PRMT8: variants seen among roughly 807,000 people sequenced by gnomAD.
PRMT8 encodes the protein protein arginine N-methyltransferase 8.
Under a neutral mutation model 47.1 loss-of-function variants are expected in PRMT8, and 7 were observed. The observed-to-expected ratio is 0.15, with a 90% CI of 0.08 to 0.28. The LOEUF (loss-of-function observed/expected upper bound fraction) is 0.28. PRMT8 is among the 10% of genes least tolerant of loss of function. PRMT8 has a pLI of 1.00. For synonymous variants in PRMT8, 188 were observed against 186.5 expected (o/e 1.01, Z -0.07); for missense variants, 237 against 505.4 (o/e 0.47, Z 5.09).
rs1431688980 is a variant in PRMT8, at chr12:3,552,507, G to C, written c.418-1144G>C. 3.3e-6 allele frequency: 1 copy of C among 303,318 alleles called. No individual in the cohort carries two copies. The highest frequency in any genetic ancestry group is 4.1e-5 in the Admixed American group (1 of 24,130). The allele number at this position is 303,318 out of a possible 1,614,324, so 18.8% of individuals were successfully genotyped here. Reference sequence around the variant, plus strand: ...ATGCTCCTCATCACTCAACATGGTCGCCTCTTGCAGATCAGATGATGACAT... The same window carrying C: ...ATGCTCCTCATCACTCAACATGGTCCCCTCTTGCAGATCAGATGATGACAT... On this transcript the variant is annotated intron_variant, in intron 3 of 9. Coordinates refer to ENST00000382622, the MANE Select transcript of PRMT8 (RefSeq NM_019854.5). This position sits in a 1 kb window ranked among gnomAD's most constrained non-coding sequence, Gnocchi z 4.5.
chr12:3,428,819 CCT>C (rs1207417049), intron 1 of PRMT8, among the ~76,000 whole-genome samples: 3 of 147,976 alleles, frequency 2.0e-5, no homozygotes, highest in East Asian at 2.0e-4. Context: ...TCTGTCTCTT[CCT>C]CTCTCTCTGC....
chr12:3,488,649 C>T (rs986029094), upstream of PRMT8, among the ~76,000 whole-genome samples: 1 of 152,172 alleles, frequency 6.6e-6, no homozygotes, highest in Non-Finnish European at 1.5e-5. Context: ...ATGAGCTGGG[C>T]ATTTAAGAGA....
At chr12:3,543,857 G>A (rs2137168924) in intron 2 of PRMT8, among the ~76,000 whole-genome samples, 1 of 152,310 alleles carries the variant, frequency 6.6e-6, no homozygotes, top group East Asian at 1.9e-4. Context: ...GCCACCTAGA[G>A]AGGAGGTGGT....
rs1223113770 is a variant in PRMT8, at chr12:3,508,832, G to A, written c.75+17132G>A. On this transcript the variant is annotated intron_variant, in intron 1 of 9. Coordinates refer to ENST00000382622, the MANE Select transcript of PRMT8 (RefSeq NM_019854.5). This position sits in a 1 kb window ranked among gnomAD's most constrained non-coding sequence, Gnocchi z 4.9. ...CCTCAGGTTCGCTGGGTTGCCTCCG[G>A]AGTCCTGCCCTCTTCCCAGCTCCTG... is the stretch of plus-strand genomic sequence containing the variant. Among the ~76,000 whole-genome samples, 1 of 152,200 alleles carries A rather than the reference G, an allele frequency of 6.6e-6. No homozygotes were observed. The highest frequency in any genetic ancestry group is 2.4e-5 in the African/African-American group (1 of 41,450).
chr12:3,574,499 A>G (rs1866904502), intron 6 of PRMT8, among the ~76,000 whole-genome samples: 1 of 152,260 alleles, frequency 6.6e-6, no homozygotes, highest in Non-Finnish European at 1.5e-5. Flanking sequence ...GTAAGCCCAG[A>G]AAAAAGGATT....
At position 3,415,075 on chromosome 12, in the gene PRMT8, G is replaced by T. The variant is rs113374101; in HGVS notation, c.48+33633G>T. ...GGTTTACCTGTGCTTCTGACCCACCGGCTATACATTGGGGTTTCCTCAGCC... is the reference window on the plus strand; with the variant it reads ...GGTTTACCTGTGCTTCTGACCCACCTGCTATACATTGGGGTTTCCTCAGCC... On this transcript the variant is annotated intron_variant, in intron 1 of 9. Coordinates refer to the PRMT8 transcript ENST00000452611. Among the ~76,000 whole-genome samples the T allele has an allele frequency of 4.5e-3, 680 of 152,106 alleles. 6 individuals are homozygous for T. The highest frequency in any genetic ancestry group is 0.015 in the African/African-American group (626 of 41,482).
At chr12:3,549,016 G>A (rs1270148734) in intron 2 of PRMT8, among the ~76,000 whole-genome samples, 1 of 152,134 alleles carries the variant, frequency 6.6e-6, no homozygotes, top group African/African-American at 2.4e-5. Flanking sequence ...TAACATACAT[G>A]AATCTCAAAA....
At chr12:3,541,191 C>T (rs1012402525) in intron 2 of PRMT8, among the ~76,000 whole-genome samples, 5 of 152,230 alleles carry the variant, frequency 3.3e-5, no homozygotes, top group African/African-American at 1.2e-4. Context: ...TTTCAGAGGT[C>T]ATGATGTGCA....
At chr12:3,432,627 G>A (rs1396400916) in intron 1 of PRMT8, among the ~76,000 whole-genome samples, 3 of 152,018 alleles carry the variant, frequency 2.0e-5, no homozygotes, top group Non-Finnish European at 4.4e-5. Flanking sequence ...AACAGGAGAG[G>A]TGAGAAAGGC....
intron 1 of PRMT8, among the ~76,000 whole-genome samples, chr12:3,417,182 T>C (rs1277042370): frequency 6.6e-6 from 1 of 152,174 alleles, no homozygotes; most frequent in African/African-American, 2.4e-5. Context: ...AGTTCGTAAA[T>C]TTTGGAGTCT....
At chr12:3,451,331 G>C (rs1334126742) in intron 1 of PRMT8, among the ~76,000 whole-genome samples, 1 of 152,104 alleles carries the variant, frequency 6.6e-6, no homozygotes, top group African/African-American at 2.4e-5. Context: ...CCAAAGTCTT[G>C]CAGCTAGTTG....
At chr12:3,523,939 C>T (rs946747878) in intron 1 of PRMT8, among the ~76,000 whole-genome samples, 4 of 152,214 alleles carry the variant, frequency 2.6e-5, no homozygotes, top group South Asian at 2.1e-4. Flanking sequence ...ACATCCTAAA[C>T]GTTACTGATG....
intron 1 of PRMT8, among the ~76,000 whole-genome samples, chr12:3,475,347 G>A (rs546963326): frequency 5.3e-5 from 8 of 152,338 alleles, no homozygotes; most frequent in South Asian, 4.1e-4. Flanking sequence ...TGATAGAATC[G>A]TGGACATTTG....
intron 1 of PRMT8, among the ~76,000 whole-genome samples, chr12:3,496,212 A>ATTTTTTTTTTTTTTT (rs1444249290): frequency 2.1e-4 from 4 of 19,394 alleles, no homozygotes; most frequent in East Asian, 1.5e-3. Context: ...ATATATATAT[A>ATTTTTTTTTTTTTTT]TATTTTTTTT....
Position 3,456,510 on chromosome 12 carries a change from C to A in PRMT8, c.48+75068C>A, listed in dbSNP as rs969232793. 1.3e-5 allele frequency among the ~76,000 whole-genome samples: 2 copies of A among 152,186 alleles called. No homozygotes were observed. Among genetic ancestry groups the A allele is most frequent in the African/African-American group, 4.8e-5 (2 of 41,436 alleles). On this transcript the variant is annotated intron_variant, in intron 1 of 9. Transcript: ENST00000452611. This position sits in a 1 kb window ranked among gnomAD's most constrained non-coding sequence, Gnocchi z 4.2. ...AGGGCAGGACCCACGAGCACACATTCGGCATCACGAGCGATCTGTTGTGCA... is the reference window on the plus strand; with the variant it reads ...AGGGCAGGACCCACGAGCACACATTAGGCATCACGAGCGATCTGTTGTGCA...
At chr12:3,489,827 ACACACACG>A (rs1251559993), upstream of PRMT8, among the ~76,000 whole-genome samples, 61 of 143,194 alleles carry the variant, frequency 4.3e-4, no homozygotes, top group Middle Eastern at 3.7e-3. Context: ...ACACACACAC[ACACACACG>A]CGCGCACACA....
In PRMT8 at chr12:3,396,833, G is replaced by A. The variant is rs1474034835; in HGVS notation, c.48+15391G>A. Among the ~76,000 whole-genome samples, 606 of 151,886 alleles carry A rather than the reference G, an allele frequency of 4.0e-3. 2 individuals are homozygous for A. The highest frequency in any genetic ancestry group is 5.4e-3 in the East Asian group (28 of 5,174). ...TTTCCAACTTGGTTCCATTCTCCCCGTCACTTTCAGGTACACCAATCAGAC... is the reference window on the plus strand; with the variant it reads ...TTTCCAACTTGGTTCCATTCTCCCCATCACTTTCAGGTACACCAATCAGAC... On this transcript the variant is annotated intron_variant, in intron 1 of 9. Coordinates refer to the PRMT8 transcript ENST00000452611.
At chr12:3,497,809 A>T (rs1591572151) in intron 1 of PRMT8, among the ~76,000 whole-genome samples, 2 of 152,348 alleles carry the variant, frequency 1.3e-5, no homozygotes, top group Middle Eastern at 6.8e-3. Flanking sequence ...TATTGAGCAA[A>T]CAGCTTGATG....
intron 1 of PRMT8, among the ~76,000 whole-genome samples, chr12:3,474,321 G>A (rs115736166): frequency 0.018 from 2,679 of 152,204 alleles, 78 homozygotes; most frequent in African/African-American, 0.062. Flanking sequence ...GTTTTTTTGT[G>A]TATAATGGGG....
Sources: allele counts gnomAD v4.1 joint callset (sites outside exome capture counted in the v4.1 genomes callset), GRCh38; gene constraint gnomAD v4.1.1; non-coding constraint Gnocchi (gnomAD v3.1); transcripts MANE v1.5; gene names NCBI Gene and HGNC (gene_info 2026-07-23, HGNC 2026-07-21).